The following GRXCR1 variants were observed in gnomAD, a reference collection of about 807,000 sequenced individuals.
The protein encoded by GRXCR1 is glutaredoxin and cysteine rich domain containing 1.
A neutral mutation model predicts 27.3 loss-of-function variants in GRXCR1; 27 were observed. The ratio of observed to expected loss-of-function variants is 0.99; its 90% CI spans 0.73 to 1.37. The LOEUF (loss-of-function observed/expected upper bound fraction) is 1.37, where lower values mean the gene tolerates loss of function less well. Among genes scored for constraint, GRXCR1 ranks in the 40% most tolerant of loss-of-function variants. The pLI is 0.00. For missense variants in GRXCR1, 379 were observed against 354.4 expected (o/e 1.07, Z -0.56); for synonymous variants, 122 against 131.1 (o/e 0.93, Z 0.47).
chr4:42,951,607 G>A (rs892802626), intron 1 of GRXCR1, among the ~76,000 whole-genome samples: 7 of 152,166 alleles, frequency 4.6e-5, no homozygotes, highest in Non-Finnish European at 8.8e-5. Context: ...ATGATAGAAT[G>A]ATTTGTATTC....
At position 43,030,516 on chromosome 4, in the gene GRXCR1, G is replaced by A; in HGVS notation, c.849G>A (p.Gln283=). The A allele has an allele frequency of 1.9e-6, 3 of 1,614,106 alleles. No individual in the cohort carries two copies. The highest frequency in any genetic ancestry group is 2.5e-6 in the Non-Finnish European group (3 of 1,179,988). Residue 283 remains glutamine (Q), a synonymous_variant, in exon 4 of 4, where the codon CAG becomes CAA. Coordinates refer to ENST00000399770, the MANE Select transcript of GRXCR1 (RefSeq NM_001080476.3). The part of the protein sequence containing the change: ...KCTACNENGL[Q]RCKNCAG ...CGGCTTGCAATGAAAATGGTCTTCA[G>A]CGTTGTAAGAACTGTGCTGGTTAAT...
At chr4:43,008,560 T>A (rs926477513) in intron 2 of GRXCR1, among the ~76,000 whole-genome samples, 3 of 152,238 alleles carry the variant, frequency 2.0e-5, no homozygotes, top group Non-Finnish European at 4.4e-5. Flanking sequence ...TATCATAGTG[T>A]GTGATTATAA....
chr4:42,989,791 T>C (rs891113872), intron 2 of GRXCR1, among the ~76,000 whole-genome samples: 1 of 152,210 alleles, frequency 6.6e-6, no homozygotes, highest in African/African-American at 2.4e-5. Context: ...TTCTTTCTCT[T>C]AGAAAAGTTC....
At position 43,030,595 on chromosome 4, in the gene GRXCR1, G is replaced by A. The variant is rs4861050; in HGVS notation, c.*55G>A. On this transcript the variant is annotated 3_prime_UTR_variant, in exon 4 of 4. Transcript: ENST00000399770. ...TTTATTAATCAAAGGCAATACTTTGGTTTATATATATATTTTTAAATGGTT... is the reference window on the plus strand; with the variant it reads ...TTTATTAATCAAAGGCAATACTTTGATTTATATATATATTTTTAAATGGTT... 0.48 allele frequency: 647,495 copies of A among 1,344,166 alleles called. 158,756 individuals are homozygous for A. The highest frequency in any genetic ancestry group is 0.79 in the East Asian group (34,477 of 43,516). 83.3% of individuals were successfully genotyped at this position (1,344,166 alleles called of 1,614,324 possible). A position where few individuals can be genotyped will look rare whatever the true frequency, so the allele number is the denominator to read the frequency against.
At chr4:42,915,544 G>A (rs1388112773) in intron 1 of GRXCR1, among the ~76,000 whole-genome samples, 1 of 151,874 alleles carries the variant, frequency 6.6e-6, no homozygotes. Flanking sequence ...TAAGACTTTT[G>A]TTTTGTGGTG....
At position 42,926,287 on chromosome 4, in the gene GRXCR1, A is replaced by T. The variant is rs1243161543; in HGVS notation, c.384+32637A>T. On this transcript the variant is annotated intron_variant, in intron 1 of 3. Transcript: ENST00000399770. ...ACCCTGGGTGAATACAGGTAAAAAT[A>T]CTTGAAGTATAAACGAGAATGTTAG... Among the ~76,000 whole-genome samples, 3 of 152,032 alleles carry T rather than the reference A, an allele frequency of 2.0e-5. No individual in the cohort carries two copies. The South Asian group carries it at 6.2e-4, about 32-fold the overall frequency.
chr4:42,931,024 A>G lies in GRXCR1; in HGVS notation c.385-31868A>G, dbSNP rs376017877. On this transcript the variant is annotated intron_variant, in intron 1 of 3. Coordinates refer to ENST00000399770, the MANE Select transcript of GRXCR1 (RefSeq NM_001080476.3). ...GGAATATATGCAAGGACAATACTGC[A>G]TGTTTGAGCCAACATTCCTGAGGAC... 4.7e-4 allele frequency among the ~76,000 whole-genome samples: 72 copies of G among 152,076 alleles called. 2 individuals are homozygous for G. In the South Asian group the frequency reaches 0.011, roughly 22 times the overall value.
chr4:43,003,885 T>C (rs1712466976), intron 2 of GRXCR1, among the ~76,000 whole-genome samples: 1 of 152,188 alleles, frequency 6.6e-6, no homozygotes, highest in Non-Finnish European at 1.5e-5. Context: ...GAAGAAAACA[T>C]TTTCTGGGGG....
intron 2 of GRXCR1, among the ~76,000 whole-genome samples, chr4:42,985,657 TAGA>T (rs1225141207): frequency 1.3e-5 from 2 of 151,728 alleles, no homozygotes; most frequent in Non-Finnish European, 2.9e-5. Flanking sequence ...TAAATAAAAA[TAGA>T]AGAAATCATT....
At position 42,961,404 on chromosome 4, in the gene GRXCR1, A is replaced by C. The variant is rs369806228; in HGVS notation, c.385-1488A>C. Among the ~76,000 whole-genome samples the C allele has an allele frequency of 2.6e-4, 40 of 152,088 alleles. 1 individual carries two copies. In the South Asian group the frequency reaches 7.1e-3, roughly 27 times the overall value. On this transcript the variant is annotated intron_variant, in intron 1 of 3. Coordinates refer to ENST00000399770, the MANE Select transcript of GRXCR1 (RefSeq NM_001080476.3). The stretch of plus-strand genomic sequence containing the variant: ...TCTTTAAAAGCATTTACAGTTAGGC[A>C]TCACCATTTATAAATCAGAAAATTT...
intron 2 of GRXCR1, among the ~76,000 whole-genome samples, chr4:43,001,291 CATT>C (rs1314829503): frequency 6.6e-6 from 1 of 152,006 alleles, no homozygotes; most frequent in Non-Finnish European, 1.5e-5. Context: ...ATGATTATCT[CATT>C]ATTGTTTTTA....
At chr4:42,939,276 T>C (rs986415247) in intron 1 of GRXCR1, among the ~76,000 whole-genome samples, 1 of 152,046 alleles carries the variant, frequency 6.6e-6, no homozygotes, top group Non-Finnish European at 1.5e-5. Flanking sequence ...TTGTAAATGA[T>C]ATTACTTCCT....
intron 2 of GRXCR1, among the ~76,000 whole-genome samples, chr4:42,999,177 T>G (rs1577938484): frequency 6.6e-6 from 1 of 152,168 alleles, no homozygotes; most frequent in East Asian, 1.9e-4. Context: ...CTGCCTCAGG[T>G]GTATTTCTTC....
At position 42,955,760 on chromosome 4, in the gene GRXCR1, G is replaced by A. The variant is rs568475134; in HGVS notation, c.385-7132G>A. On this transcript the variant is annotated intron_variant, in intron 1 of 3. Transcript: ENST00000399770. Reference sequence around the variant, plus strand: ...TCTGAATTCTTGCAGCTTTCTGGAGGCCTCTAAGTTCTCAGTGATTTGGGG... The same window carrying A: ...TCTGAATTCTTGCAGCTTTCTGGAGACCTCTAAGTTCTCAGTGATTTGGGG... 2.6e-5 allele frequency among the ~76,000 whole-genome samples: 4 copies of A among 152,160 alleles called. No individual in the cohort carries two copies. The East Asian group carries it at 7.7e-4, about 29-fold the overall frequency.
chr4:42,963,986 G>A (rs1748184384), intron 2 of GRXCR1, among the ~76,000 whole-genome samples: 1 of 151,958 alleles, frequency 6.6e-6, no homozygotes, highest in Non-Finnish European at 1.5e-5. Flanking sequence ...TAGAACAGGA[G>A]ATGCTCACAT....
chr4:42,911,839 C>G (rs1256806299), intron 1 of GRXCR1, among the ~76,000 whole-genome samples: 1 of 152,128 alleles, frequency 6.6e-6, no homozygotes, highest in Non-Finnish European at 1.5e-5. Context: ...TATAACACTT[C>G]TGTTACATGT....
In GRXCR1 at chr4:42,987,238, TATA is replaced by T. The variant is rs1399811244; in HGVS notation, c.627+24108_627+24110del. ...ATATATATATTATATATTATATATA[TATA>T]ATATATAATATATATATATAATATA... On this transcript the variant is annotated intron_variant, in intron 2 of 3. Transcript: ENST00000399770. Among the ~76,000 whole-genome samples, 233 of 63,552 alleles carry T rather than the reference TATA, an allele frequency of 3.7e-3. 1 individual carries two copies. Among genetic ancestry groups the T allele is most frequent in the African/African-American group, 0.011 (214 of 19,932 alleles). The allele number at this position is 63,552 out of a possible 152,430, so 41.7% of individuals were successfully genotyped here.
chr4:42,970,790 G>A (rs187176611), intron 2 of GRXCR1, among the ~76,000 whole-genome samples: 1 of 152,166 alleles, frequency 6.6e-6, no homozygotes. Context: ...TCCTTTTTAC[G>A]TATGCAAATT....
At chr4:42,947,161 A>C (rs1285498966) in intron 1 of GRXCR1, among the ~76,000 whole-genome samples, 1 of 152,124 alleles carries the variant, frequency 6.6e-6, no homozygotes, top group Non-Finnish European at 1.5e-5. Flanking sequence ...GGGGGCTTCA[A>C]CAGCCTTCAG....
Sources: allele counts gnomAD v4.1 joint callset (sites outside exome capture counted in the v4.1 genomes callset), GRCh38; gene constraint gnomAD v4.1.1; transcripts MANE v1.5; gene names NCBI Gene and HGNC (gene_info 2026-07-23, HGNC 2026-07-21).